GFOD1: variants seen among roughly 807,000 people sequenced by gnomAD.
GFOD1 encodes glucose-fructose oxidoreductase domain-containing protein 1.
Under a neutral mutation model 25.4 loss-of-function variants are expected in GFOD1, and 9 were observed. The observed-to-expected ratio is 0.35, with a 90% CI of 0.21 to 0.62. GFOD1 has a LOEUF of 0.62. Among genes scored for constraint, GFOD1 ranks in the 20% least tolerant of loss-of-function variants. The pLI is 0.72. For missense variants in GFOD1, 403 were observed against 556.9 expected (o/e 0.72, Z 2.78); for synonymous variants, 253 against 245.6 (o/e 1.03, Z -0.28).
At chr6:13,416,463 A>G (rs1357048242) in intron 1 of GFOD1, among the ~76,000 whole-genome samples, 2 of 152,250 alleles carry the variant, frequency 1.3e-5, no homozygotes, top group Non-Finnish European at 2.9e-5. Context: ...AGAAGGCCTC[A>G]CTGAGGTGAC....
chr6:13,384,139 A>G (rs1232765937), intron 1 of GFOD1, among the ~76,000 whole-genome samples: 2 of 152,190 alleles, frequency 1.3e-5, no homozygotes, highest in Admixed American at 1.3e-4. Flanking sequence ...AGGCAGGAGA[A>G]TCACTTGAAC....
chr6:13,444,155 A>T (rs1270745650), intron 1 of GFOD1, among the ~76,000 whole-genome samples: 1 of 152,160 alleles, frequency 6.6e-6, no homozygotes. Flanking sequence ...GGGTACATAA[A>T]CACCATGGAA....
At chr6:13,421,857 C>T (rs946023027) in intron 1 of GFOD1, among the ~76,000 whole-genome samples, 1 of 152,168 alleles carries the variant, frequency 6.6e-6, no homozygotes, top group Non-Finnish European at 1.5e-5. Flanking sequence ...GCCGGGCACA[C>T]GAGGCCTTTC....
At chr6:13,397,206 T>C (rs750429691) in intron 1 of GFOD1, among the ~76,000 whole-genome samples, 3 of 152,178 alleles carry the variant, frequency 2.0e-5, no homozygotes, top group Non-Finnish European at 2.9e-5. Flanking sequence ...CCCAAAGTGC[T>C]GGGATTACAG....
At position 13,365,065 on chromosome 6, in the gene GFOD1, G is replaced by A. The variant is rs1303737704; in HGVS notation, c.851C>T (p.Pro284Leu). The A allele has an allele frequency of 3.7e-6, 6 of 1,611,168 alleles. No homozygotes were observed. The highest frequency in any genetic ancestry group is 2.2e-5 in the East Asian group (1 of 44,884). Residue 284 changes from proline to leucine, a missense_variant, in exon 2 of 2, where the codon CCG becomes CTG. Transcript: ENST00000379287. This position sits in a 1 kb window ranked among gnomAD's most constrained non-coding sequence, Gnocchi z 9.2. The part of the protein sequence containing the change: ...EQELLVQDAT[P>L]VSNSLLPEKA... ...CTCCGGAAGCAGGGAGTTGCTCACCGGCGTGGCGTCCTGCACCAGCAGCTC... is the reference window on the plus strand; with the variant it reads ...CTCCGGAAGCAGGGAGTTGCTCACCAGCGTGGCGTCCTGCACCAGCAGCTC...
chr6:13,456,006 CTGGGGG>C (rs1452435658), intron 1 of GFOD1, among the ~76,000 whole-genome samples: 6 of 152,204 alleles, frequency 3.9e-5, no homozygotes, highest in African/African-American at 1.4e-4. Context: ...GCCTGACAGG[CTGGGGG>C]CTCTCTCCTC....
chr6:13,479,581 C>T (rs1758703488), intron 1 of GFOD1, among the ~76,000 whole-genome samples: 1 of 152,228 alleles, frequency 6.6e-6, no homozygotes, highest in Non-Finnish European at 1.5e-5. Flanking sequence ...TTGACTTCCA[C>T]TTTTTGTTGT....
At chr6:13,482,348 T>C (rs565427372) in intron 1 of GFOD1, among the ~76,000 whole-genome samples, 1 of 150,450 alleles carries the variant, frequency 6.6e-6, no homozygotes. Flanking sequence ...TAAAATAATA[T>C]TTAAATTTTA....
rs747902895 is a variant in GFOD1 at position 13,360,610 on chromosome 6, A to C, written c.*4133T>G. ...CATCACCTACAATCAAAATGAACATAGGAAGTCAATTTTAAAAAAGGCTGA... is the reference window on the plus strand; with the variant it reads ...CATCACCTACAATCAAAATGAACATCGGAAGTCAATTTTAAAAAAGGCTGA... On this transcript the variant is annotated 3_prime_UTR_variant, in exon 2 of 2. Transcript: ENST00000379287. 3 of 435,212 alleles carry C rather than the reference A, an allele frequency of 6.9e-6. No homozygotes were observed. In the Admixed American group the frequency reaches 7.2e-5, roughly 10 times the overall value. 27.0% of individuals were successfully genotyped at this position (435,212 alleles called of 1,614,324 possible).
chr6:13,378,774 C>T (rs757202841), intron 1 of GFOD1, among the ~76,000 whole-genome samples: 1 of 152,150 alleles, frequency 6.6e-6, no homozygotes, highest in Admixed American at 6.5e-5. Context: ...TCACATTAAC[C>T]CCACCTCCTG....
At chr6:13,483,730 T>C (rs1257581611) in intron 1 of GFOD1, among the ~76,000 whole-genome samples, 2 of 152,084 alleles carry the variant, frequency 1.3e-5, no homozygotes, top group South Asian at 2.1e-4. Context: ...GCTGCCATGA[T>C]CTATGGCAGA....
At chr6:13,469,274 A>G (rs980815411) in intron 1 of GFOD1, 1 of 985,392 alleles carries the variant, frequency 1.0e-6, no homozygotes, top group African/African-American at 1.7e-5. Flanking sequence ...CGCCTTTTAT[A>G]TCTTATCCAT....
At chr6:13,390,777 G>GAA (rs1554200636) in intron 1 of GFOD1, among the ~76,000 whole-genome samples, 12 of 75,450 alleles carry the variant, frequency 1.6e-4, no homozygotes, top group South Asian at 9.6e-4. Context: ...GAGAGAGAGA[G>GAA]AGAAAGGAAG....
At chr6:13,468,867 G>C (rs1345714804) in intron 1 of GFOD1, among the ~76,000 whole-genome samples, 1 of 151,884 alleles carries the variant, frequency 6.6e-6, no homozygotes, top group East Asian at 1.9e-4. Context: ...CTTAATCAAA[G>C]CCCATTATGG....
chr6:13,379,357 AG>A (rs1222542304), intron 1 of GFOD1, among the ~76,000 whole-genome samples: 1 of 152,172 alleles, frequency 6.6e-6, no homozygotes, highest in Non-Finnish European at 1.5e-5. Context: ...AAGCCTTTGC[AG>A]CAAAGCCATG....
rs566124796 is a variant in GFOD1, at chr6:13,361,896, G to A, written c.*2847C>T. 2 of 152,112 alleles carry A rather than the reference G, an allele frequency of 1.3e-5. No individual in the cohort carries two copies. Among genetic ancestry groups the A allele is most frequent in the East Asian group, 3.9e-4 (2 of 5,178 alleles). The allele number at this position is 152,112 out of a possible 1,614,324, so 9.4% of individuals were successfully genotyped here. On this transcript the variant is annotated 3_prime_UTR_variant, in exon 2 of 2. Coordinates refer to ENST00000379287, the MANE Select transcript of GFOD1 (RefSeq NM_018988.4). The stretch of plus-strand genomic sequence containing the variant: ...TTTTAGACATTAAATATGTATTACA[G>A]AGCTTAGAGGCCTTTGTGGGGACCT...
chr6:13,452,305 T>C (rs997992551), intron 1 of GFOD1, among the ~76,000 whole-genome samples: 1 of 152,182 alleles, frequency 6.6e-6, no homozygotes, highest in African/African-American at 2.4e-5. Flanking sequence ...ATACTAAAGT[T>C]GATCATTCTC....
rs192426759 is a variant in GFOD1 at position 13,399,176 on chromosome 6, G to A, written c.254-33514C>T. Among the ~76,000 whole-genome samples, 12 of 152,126 alleles carry A rather than the reference G, an allele frequency of 7.9e-5. No individual in the cohort carries two copies. In the East Asian group the frequency reaches 2.3e-3, roughly 29 times the overall value. ...CCAAGCCTGGATTAATTTTGGTGGT[G>A]GGGGAGGGAGGGGTGGCATGTAGGG... On this transcript the variant is annotated intron_variant, in intron 1 of 1. Transcript: ENST00000379287.
At chr6:13,421,815 C>T (rs544558898) in intron 1 of GFOD1, among the ~76,000 whole-genome samples, 12 of 152,292 alleles carry the variant, frequency 7.9e-5, no homozygotes, top group South Asian at 2.1e-4. Flanking sequence ...ATCCTGCCTA[C>T]GGAGGATCTC....
Sources: gnomAD v4.1 joint callset for allele counts (sites outside exome capture counted in the v4.1 genomes callset) on GRCh38, gnomAD v4.1.1 for gene constraint, Gnocchi (gnomAD v3.1) non-coding constraint, MANE v1.5 for transcripts, NCBI Gene and HGNC (gene_info 2026-07-23, HGNC 2026-07-21) for gene names.